The following PAK1IP1 variants were observed in gnomAD, a reference collection of about 807,000 sequenced individuals.
PAK1IP1 encodes p21-activated protein kinase-interacting protein 1.
In PAK1IP1, 24 loss-of-function variants were observed where a neutral mutation model predicts 42.0. The observed-to-expected ratio is 0.57, with a 90% confidence interval of 0.41 to 0.80. The LOEUF (loss-of-function observed/expected upper bound fraction) is 0.80, where lower values mean the gene tolerates loss of function less well. Ranked by LOEUF, PAK1IP1 falls within the 30% of genes least tolerant of loss-of-function variation. The pLI, the probability that PAK1IP1 is intolerant of heterozygous loss-of-function variation, is 0.00. For missense variants in PAK1IP1, 411 were observed against 467.9 expected, an observed-to-expected ratio of 0.88 and a Z score of 1.12; for synonymous variants, 154 against 156.7, an observed-to-expected ratio of 0.98 and a Z score of 0.13.
chr6:10,709,359 A>G lies in PAK1IP1; in HGVS notation c.1086A>G (p.Thr362=). ...TAACAGGTGACAGTAAGAAAGCAAC[A>G]AAAGAAAGTGGCCTGATATCAACCA... The part of the protein sequence containing the change: ...RGLTGDSKKA[T]KESGLISTKK... Residue 362 remains threonine, a synonymous_variant, in exon 10 of 10, where the codon ACA becomes ACG. Coordinates refer to ENST00000379568, the MANE Select transcript of PAK1IP1 (RefSeq NM_017906.3). 1 of 1,614,088 alleles carries G rather than the reference A, an allele frequency of 6.2e-7. No homozygotes were observed. The highest frequency in any genetic ancestry group is 8.5e-7 in the Non-Finnish European group (1 of 1,179,968).
At chr6:10,708,826 T>C in intron 8 of PAK1IP1, 127 bp from the exon 9 acceptor site, 1 of 766,054 alleles carries the variant, frequency 1.3e-6, no homozygotes, top group Non-Finnish European at 2.1e-6. Context: ...GTGAAGATTA[T>C]ATGTTGCTTC....
chr6:10,694,602 A>ATGAGTGTAG, upstream of PAK1IP1: 1 of 196,506 alleles, frequency 5.1e-6, no homozygotes, highest in South Asian at 7.2e-5. Context: ...GCCCCTAAGC[A>ATGAGTGTAG]ACCGGCCGGA....
intron 4 of PAK1IP1, among the ~76,000 whole-genome samples, chr6:10,702,989 T>G (rs1347168058): frequency 6.6e-6 from 1 of 151,964 alleles, no homozygotes; most frequent in Non-Finnish European, 1.5e-5. Context: ...GTATTTTTAG[T>G]AGAGACGGGG....
rs938084538 is a variant in PAK1IP1, at chr6:10,704,519, T to A, written c.509T>A (p.Val170Glu). ...TTTCCACTTACAGATGCTCACATAG[T>A]AGAATGGTCCCCAAGAGGAGAGCAG... ...IKNIKQNAHIVEWSPRGEQYV... is the reference protein window; with the variant it reads ...IKNIKQNAHIEEWSPRGEQYV... The change falls in exon 6 of 10, where the codon GTA (valine) becomes GAA (glutamate). Residue 170 changes from valine to glutamate, a missense_variant. By Grantham distance (121) the Val-to-Glu change is moderately radical (BLOSUM62 -2). Transcript: ENST00000379568. The A allele has an allele frequency of 3.1e-6, 5 of 1,588,220 alleles. No homozygotes were observed. Among genetic ancestry groups the A allele is most frequent in the Non-Finnish European group, 4.3e-6 (5 of 1,164,260 alleles).
chr6:10,697,764 A>G (rs759179903), intron 2 of PAK1IP1, among the ~76,000 whole-genome samples: 2 of 151,864 alleles, frequency 1.3e-5, no homozygotes, highest in African/African-American at 2.4e-5. Context: ...GGTGGCACAC[A>G]CCTGTAGTCA....
At position 10,703,439 on chromosome 6, in the gene PAK1IP1, A is replaced by G. The variant is rs1401875316; in HGVS notation, c.478A>G (p.Ile160Val). The G allele has an allele frequency of 6.2e-7, 1 of 1,609,328 alleles. No homozygotes were observed. Among genetic ancestry groups the G allele is most frequent in the Admixed American group, 1.7e-5 (1 of 59,834 alleles). The change falls in exon 5 of 10, where the codon ATA becomes GTA. Residue 160 changes from isoleucine (I) to valine (V), a missense_variant. Ile to Val is a conservative substitution (Grantham distance 29, BLOSUM62 3). Coordinates refer to ENST00000379568, the MANE Select transcript of PAK1IP1 (RefSeq NM_017906.3). ...TCTTGTAGAAGGAAGATCAGCATTC[A>G]TAAAAAATATAAAACAAAGTGAGTA... is the stretch of plus-strand genomic sequence containing the variant. ...WNLVEGRSAFIKNIKQNAHIV... is the reference protein window; with the variant it reads ...WNLVEGRSAFVKNIKQNAHIV...
intron 2 of PAK1IP1, 152 bp from the exon 3 acceptor site, chr6:10,702,217 G>T: frequency 3.2e-6 from 2 of 629,840 alleles, no homozygotes; most frequent in Non-Finnish European, 5.4e-6. Context: ...TTCAGCCTGG[G>T]TAACAAGAGT....
chr6:10,704,788 GT>G lies in PAK1IP1; in HGVS notation c.690del (p.Phe230LeufsTer6). On this transcript the variant is annotated frameshift_variant, in exon 7 of 10. Transcript: ENST00000379568. LOFTEE classifies it high-confidence loss of function. ...AVAGDEEVIRFFDCDSLVCLC... is the reference protein window; with the variant it reads ...AVAGDEEVIRXFDCDSLVCLC... ...TGGCTGGAGATGAAGAAGTTATAAGGTTTTTTGACTGTGATTCACTAGTGTG... is the reference window on the plus strand; with the variant it reads ...TGGCTGGAGATGAAGAAGTTATAAGGTTTTTGACTGTGATTCACTAGTGTG... The G allele has an allele frequency of 1.2e-6, 2 of 1,613,862 alleles. No homozygotes were observed. Among genetic ancestry groups the G allele is most frequent in the East Asian group, 2.2e-5 (1 of 44,872 alleles).
At position 10,708,978 on chromosome 6, in the gene PAK1IP1, A is replaced by C. The variant is rs1233762706; in HGVS notation, c.866A>C (p.Glu289Ala). The C allele has an allele frequency of 6.2e-7, 1 of 1,611,902 alleles. No homozygotes were observed. Among genetic ancestry groups the C allele is most frequent in the Non-Finnish European group, 8.5e-7 (1 of 1,178,252 alleles). Residue 289 changes from glutamate to alanine, a missense_variant, in exon 9 of 10, where the codon GAA (glutamate) becomes GCA (alanine). Coordinates refer to ENST00000379568, the MANE Select transcript of PAK1IP1 (RefSeq NM_017906.3). ...DKKVPPSLLC[E>A]INTNARLTCL... ...AAAGTTCCCCCATCTTTACTCTGTG[A>C]AATAAACACTAATGCCAGGCTGACG...
intron 6 of PAK1IP1, 35 bp downstream of exon 6, chr6:10,704,687 G>A: frequency 6.2e-7 from 1 of 1,606,348 alleles, no homozygotes; most frequent in Non-Finnish European, 8.5e-7. Flanking sequence ...AAAGTTTGTG[G>A]TGATGGTTGG....
intron 5 of PAK1IP1, 107 bp downstream of exon 5, chr6:10,703,564 A>T: frequency 2.9e-6 from 2 of 699,624 alleles, no homozygotes; most frequent in Non-Finnish European, 2.5e-6. Context: ...TCAAGTAGAA[A>T]ATTCAACACC....
intron 7 of PAK1IP1, among the ~76,000 whole-genome samples, chr6:10,705,287 C>T (rs1332953246): frequency 1.3e-5 from 2 of 152,060 alleles, no homozygotes; most frequent in African/African-American, 4.8e-5. Context: ...CACTGCACTC[C>T]AACCTGGTGA....
intron 2 of PAK1IP1, among the ~76,000 whole-genome samples, chr6:10,702,147 G>C (rs1330736598): frequency 1.3e-5 from 2 of 151,878 alleles, no homozygotes; most frequent in African/African-American, 4.8e-5. Flanking sequence ...GGCTGAGGTG[G>C]GAAGATTGCT....
At chr6:10,703,180 C>T (rs116146405) in intron 4 of PAK1IP1, among the ~76,000 whole-genome samples, 2,072 of 152,096 alleles carry the variant, frequency 0.014, 46 homozygotes, top group African/African-American at 0.047. Flanking sequence ...GAAAGGGAAA[C>T]CTTTTGAAAA....
chr6:10,708,267 T>G (rs1770265815), intron 8 of PAK1IP1, among the ~76,000 whole-genome samples: 2 of 151,096 alleles, frequency 1.3e-5, no homozygotes, highest in Admixed American at 6.6e-5. Context: ...TTCTGGACAT[T>G]TCATATATGG....
Position 10,703,431 on chromosome 6 carries a change from C to T in PAK1IP1, c.470C>T (p.Ser157Leu). The change falls in exon 5 of 10, where the codon TCA becomes TTA. Residue 157 changes from serine to leucine, a missense_variant. By Grantham distance (145) the Ser-to-Leu change is moderately radical. Transcript: ENST00000379568. ...ACGTGGAATCTTGTAGAAGGAAGAT[C>T]AGCATTCATAAAAAATATAAAACAA... ...LRTWNLVEGR[S>L]AFIKNIKQNA... 1 of 1,611,142 alleles carries T rather than the reference C, an allele frequency of 6.2e-7. No individual in the cohort carries two copies. The highest frequency in any genetic ancestry group is 8.5e-7 in the Non-Finnish European group (1 of 1,177,976).
At chr6:10,694,260 C>CAAAAAAAAAAAAA (rs57435593), upstream of PAK1IP1, among the ~76,000 whole-genome samples, 4 of 62,476 alleles carry the variant, frequency 6.4e-5, no homozygotes, top group African/African-American at 2.2e-4. Context: ...AACTCCGTCT[C>CAAAAAAAAAAAAA]AAAAAAAAAA....
chr6:10,696,868 C>G (rs1769876966), intron 1 of PAK1IP1, among the ~76,000 whole-genome samples: 1 of 152,160 alleles, frequency 6.6e-6, no homozygotes, highest in African/African-American at 2.4e-5. Flanking sequence ...TGCTGTGTAT[C>G]AACTGCTTGG....
At position 10,697,372 on chromosome 6, in the gene PAK1IP1, T is replaced by C. The variant is rs761502578; in HGVS notation, c.133T>C (p.Leu45=). ...DFTHHAHTAS[L]SAVAVNSRFV... is the part of the protein sequence containing the mutation. ...CACTCACCATGCTCACACTGCCTCC[T>C]TGTCAGCAGTAGCTGTAAATAGTCG... is the stretch of plus-strand genomic sequence containing the variant. The change falls in exon 2 of 10, where the codon TTG becomes CTG. Residue 45 remains leucine (L), a synonymous_variant. Transcript: ENST00000379568. 6 of 1,613,954 alleles carry C rather than the reference T, an allele frequency of 3.7e-6. No homozygotes were observed. The highest frequency in any genetic ancestry group is 4.2e-6 in the Non-Finnish European group (5 of 1,179,824).
Sources: allele counts gnomAD v4.1 joint callset (sites outside exome capture counted in the v4.1 genomes callset), GRCh38; gene constraint gnomAD v4.1.1; transcripts MANE v1.5; gene names NCBI Gene and HGNC (gene_info 2026-07-23, HGNC 2026-07-21).